ABCC4: variants seen among roughly 807,000 people sequenced by gnomAD.
ABCC4 encodes ATP-binding cassette sub-family C member 4.
A neutral mutation model predicts 168.5 loss-of-function variants in ABCC4; 102 were observed. The ratio of observed to expected loss-of-function variants is 0.61; its 90% confidence interval spans 0.52 to 0.71. The LOEUF (loss-of-function observed/expected upper bound fraction) is 0.71. Ranked by LOEUF, ABCC4 falls within the 30% of genes least tolerant of loss-of-function variation. ABCC4 has a pLI of 0.00. For missense variants in ABCC4, 1,402 were observed against 1,605.8 expected (o/e 0.87, Z 2.17); for synonymous variants, 617 against 590.7 (o/e 1.04, Z -0.65).
chr13:95,068,731 A>T (rs1171614027), intron 25 of ABCC4, among the ~76,000 whole-genome samples: 1 of 152,110 alleles, frequency 6.6e-6, no homozygotes, highest in East Asian at 1.9e-4. Context: ...AACGATATCA[A>T]TGTGGGGATA....
At chr13:95,277,555 T>A (rs1292641647) in intron 1 of ABCC4, among the ~76,000 whole-genome samples, 1 of 146,094 alleles carries the variant, frequency 6.8e-6, no homozygotes, top group Non-Finnish European at 1.5e-5. Context: ...CACTCCAGCC[T>A]AGGCAACAAG....
intron 4 of ABCC4, among the ~76,000 whole-genome samples, chr13:95,212,338 ACTAT>A (rs2038985083): frequency 6.6e-6 from 1 of 152,236 alleles, no homozygotes; most frequent in African/African-American, 2.4e-5. Flanking sequence ...TTGACTACAA[ACTAT>A]CTGTAAATAT....
At chr13:95,166,534 G>A (rs2037278157) in intron 14 of ABCC4, among the ~76,000 whole-genome samples, 167 bp from the exon 15 acceptor site, 1 of 152,164 alleles carries the variant, frequency 6.6e-6, no homozygotes, top group Non-Finnish European at 1.5e-5. Flanking sequence ...ACAACTGAGT[G>A]TTCTGTTCTC....
At chr13:95,104,486 GACAC>G (rs1324457030) in intron 20 of ABCC4, among the ~76,000 whole-genome samples, 2 of 152,116 alleles carry the variant, frequency 1.3e-5, no homozygotes, top group African/African-American at 4.8e-5. Context: ...TGAATTTTAA[GACAC>G]ATGTGAAGCT....
At chr13:95,209,182 A>G (rs1423381458) in intron 6 of ABCC4, among the ~76,000 whole-genome samples, 2 of 152,324 alleles carry the variant, frequency 1.3e-5, no homozygotes, top group East Asian at 3.9e-4. Context: ...CTGCTTAAGG[A>G]CACTCTACTT....
chr13:95,052,986 C>T (rs1252301983), intron 27 of ABCC4, 109 bp downstream of exon 27: 1 of 924,846 alleles, frequency 1.1e-6, no homozygotes. Context: ...GGGTGGTGAA[C>T]AAAGTTAGTT....
intron 27 of ABCC4, among the ~76,000 whole-genome samples, chr13:95,049,635 T>C (rs905839296): frequency 1.3e-5 from 2 of 151,488 alleles, no homozygotes; most frequent in African/African-American, 4.8e-5. Context: ...AGTGAGACTC[T>C]GTCTCAAATA....
chr13:95,092,020 C>T (rs913090248), intron 20 of ABCC4, among the ~76,000 whole-genome samples: 2 of 152,092 alleles, frequency 1.3e-5, no homozygotes, highest in Non-Finnish European at 2.9e-5. Context: ...ATTCTTATAT[C>T]AGACAAAACA....
At chr13:95,235,943 T>C (rs1431141273) in intron 3 of ABCC4, among the ~76,000 whole-genome samples, 2 of 152,176 alleles carry the variant, frequency 1.3e-5, no homozygotes, top group Non-Finnish European at 2.9e-5. Context: ...GCAATATTAA[T>C]AATCATCTTT....
At chr13:95,241,581 C>G (rs1233266166) in intron 3 of ABCC4, among the ~76,000 whole-genome samples, 1 of 152,078 alleles carries the variant, frequency 6.6e-6, no homozygotes, top group African/African-American at 2.4e-5. Flanking sequence ...CAGTCCCCAT[C>G]ACAGTCTCCA....
chr13:95,121,091 T>A (rs898392891), intron 19 of ABCC4, among the ~76,000 whole-genome samples: 2 of 152,090 alleles, frequency 1.3e-5, no homozygotes, highest in East Asian at 3.9e-4. Context: ...ACAGAAGGCA[T>A]GAAAGAGAAA....
chr13:95,077,100 G>A (rs2033932480), intron 21 of ABCC4, among the ~76,000 whole-genome samples: 1 of 152,190 alleles, frequency 6.6e-6, no homozygotes, highest in Non-Finnish European at 1.5e-5. Flanking sequence ...ATGAGGGCTA[G>A]CTACTTTTGG....
chr13:95,083,080 T>C (rs1194416443), intron 21 of ABCC4, 60 bp downstream of exon 21: 4 of 1,560,542 alleles, frequency 2.6e-6, no homozygotes, highest in African/African-American at 1.4e-5. Flanking sequence ...GTCTCTGTAA[T>C]TTATGGCATA....
chr13:95,261,095 A>C (rs1024022707), intron 1 of ABCC4, among the ~76,000 whole-genome samples: 1 of 152,104 alleles, frequency 6.6e-6, no homozygotes, highest in African/African-American at 2.4e-5. Flanking sequence ...ACAATTTTGT[A>C]AATGTCCTAT....
At chr13:95,077,402 G>C (rs2033943429) in intron 21 of ABCC4, among the ~76,000 whole-genome samples, 1 of 152,042 alleles carries the variant, frequency 6.6e-6, no homozygotes, top group Non-Finnish European at 1.5e-5. Context: ...GCAATGGCAT[G>C]ATCTTGGCTC....
At chr13:95,062,984 T>A in intron 25 of ABCC4, 125 bp from the exon 26 acceptor site, 1 of 1,148,066 alleles carries the variant, frequency 8.7e-7, no homozygotes, top group Non-Finnish European at 1.2e-6. Context: ...GAGTGTAGTC[T>A]AAGAGTTTCC....
In ABCC4 at chr13:95,198,119, T is replaced by C. The variant is rs147479735; in HGVS notation, c.1162-3182A>G. Among the ~76,000 whole-genome samples the C allele has an allele frequency of 3.1e-3, 478 of 152,152 alleles. 6 individuals carry two copies. The highest frequency in any genetic ancestry group is 0.011 in the African/African-American group (456 of 41,514). ...GCCAAAATTGACAAATGGGATCTAA[T>C]TAAACTAAAGAGCTTCTCCACAGCA... On this transcript the variant is annotated intron_variant, in intron 8 of 30. Coordinates refer to ENST00000645237, the MANE Select transcript of ABCC4 (RefSeq NM_005845.5).
chr13:95,133,152 C>G (rs1267274204), intron 19 of ABCC4, among the ~76,000 whole-genome samples: 4 of 119,406 alleles, frequency 3.3e-5, no homozygotes, highest in African/African-American at 1.4e-4. Context: ...CTTGCTCTGT[C>G]ACCCAGGCTG....
At chr13:95,286,264 C>T (rs1419101198) in intron 1 of ABCC4, among the ~76,000 whole-genome samples, 1 of 151,668 alleles carries the variant, frequency 6.6e-6, no homozygotes, top group African/African-American at 2.4e-5. Flanking sequence ...GGATTACAGG[C>T]GCCCACCACC....
Sources: gnomAD v4.1 joint callset for allele counts (sites outside exome capture counted in the v4.1 genomes callset) on GRCh38, gnomAD v4.1.1 for gene constraint, MANE v1.5 for transcripts, NCBI Gene and HGNC (gene_info 2026-07-23, HGNC 2026-07-21) for gene names.